Variants in TRIO observed in about 807,000 individuals in gnomAD.
The protein encoded by TRIO is triple functional domain protein.
In TRIO, 58 loss-of-function variants were observed where a neutral mutation model predicts 351.9. The observed-to-expected ratio is 0.16, with a 90% CI of 0.13 to 0.21. The LOEUF (loss-of-function observed/expected upper bound fraction) is 0.21, where lower values mean the gene tolerates loss of function less well. Ranked by LOEUF, TRIO falls within the 10% of genes least tolerant of loss-of-function variation. TRIO has a pLI of 1.00. For synonymous variants in TRIO, 1,758 were observed against 1,595.7 expected, an observed-to-expected ratio of 1.10 and a Z score of -2.42; for missense variants, 3,201 against 4,027.8, an observed-to-expected ratio of 0.79 and a Z score of 5.56.
At chr5:14,375,295 C>T (rs1203062331) in intron 19 of TRIO, among the ~76,000 whole-genome samples, 1 of 152,182 alleles carries the variant, frequency 6.6e-6, no homozygotes, top group Non-Finnish European at 1.5e-5. Context: ...GTTTATTTGG[C>T]TCATTTCCTG....
chr5:14,472,017 CA>C (rs1754729411), intron 38 of TRIO, among the ~76,000 whole-genome samples: 1 of 152,034 alleles, frequency 6.6e-6, no homozygotes, highest in Non-Finnish European at 1.5e-5. Context: ...TGAGAGGTGC[CA>C]GGTTGATGTT....
At position 14,381,279 on chromosome 5, in the gene TRIO, T is replaced by A. The variant is rs552875358; in HGVS notation, c.3570+27T>A. 12 of 1,575,720 alleles carry A rather than the reference T, an allele frequency of 7.6e-6. 1 individual carries two copies. The East Asian group carries it at 2.7e-4, about 36-fold the overall frequency. On this transcript the variant is annotated intron_variant, in intron 21 of 56. Coordinates refer to ENST00000344204, the MANE Select transcript of TRIO (RefSeq NM_007118.4). ...TGGGTTCAGAGTGTACTTTGTATAG[T>A]GGCCTCTAAGTCGAAAGCGAGTCTT...
intron 1 of TRIO, among the ~76,000 whole-genome samples, chr5:14,213,429 A>G (rs1223596288): frequency 6.6e-6 from 1 of 151,846 alleles, no homozygotes; most frequent in Non-Finnish European, 1.5e-5. Flanking sequence ...AGAGGCGAGC[A>G]GGCTACTTTC....
chr5:14,236,299 T>C (rs974391067), intron 1 of TRIO, among the ~76,000 whole-genome samples: 3 of 152,254 alleles, frequency 2.0e-5, no homozygotes, highest in African/African-American at 7.2e-5. Flanking sequence ...AAACATTTTA[T>C]GAAAAAATTG....
chr5:14,179,406 CAG>C (rs1439222374), intron 1 of TRIO, among the ~76,000 whole-genome samples: 1 of 151,708 alleles, frequency 6.6e-6, no homozygotes, highest in Non-Finnish European at 1.5e-5. Context: ...GTTCTGCCCT[CAG>C]AATTCTTCAG....
At chr5:14,158,834 TTAAA>T (rs1293887488) in intron 1 of TRIO, among the ~76,000 whole-genome samples, 2 of 152,174 alleles carry the variant, frequency 1.3e-5, no homozygotes, top group Non-Finnish European at 2.9e-5. Flanking sequence ...ACGCTGTCTC[TTAAA>T]TAAATAAATA....
At position 14,247,850 on chromosome 5, in the gene TRIO, G is replaced by A. The variant is rs145690440; in HGVS notation, c.158-22975G>A. ...TGAGAGGCCGAGACAGGCAGATCAC[G>A]AGGTCAGGAGTTCAAGACCAGCCTG... On this transcript the variant is annotated intron_variant, in intron 1 of 56. Transcript: ENST00000344204. Among the ~76,000 whole-genome samples the A allele has an allele frequency of 3.5e-3, 530 of 152,178 alleles. 3 individuals are homozygous for A. The highest frequency in any genetic ancestry group is 0.012 in the African/African-American group (494 of 41,522).
intron 9 of TRIO, among the ~76,000 whole-genome samples, chr5:14,322,267 T>G (rs1170083202): frequency 6.6e-6 from 1 of 152,258 alleles, no homozygotes; most frequent in Non-Finnish European, 1.5e-5. Flanking sequence ...GCTTCATTTC[T>G]TTTAAAATGG....
chr5:14,248,979 C>T (rs1794595652), intron 1 of TRIO, among the ~76,000 whole-genome samples: 1 of 152,168 alleles, frequency 6.6e-6, no homozygotes, highest in Non-Finnish European at 1.5e-5. Context: ...TGCTGAGCTT[C>T]TGTCCAGGTG....
chr5:14,469,294 A>G (rs1326623218), intron 37 of TRIO, among the ~76,000 whole-genome samples: 1 of 152,206 alleles, frequency 6.6e-6, no homozygotes, highest in Non-Finnish European at 1.5e-5. Flanking sequence ...AAAACAGAAA[A>G]CACAAATTCC....
At chr5:14,273,314 C>G (rs146271671) in intron 2 of TRIO, among the ~76,000 whole-genome samples, 1 of 152,162 alleles carries the variant, frequency 6.6e-6, no homozygotes, top group African/African-American at 2.4e-5. Flanking sequence ...AGTGATAAAC[C>G]CCGTGATAAT....
chr5:14,168,887 A>G (rs991478616), intron 1 of TRIO, among the ~76,000 whole-genome samples: 2 of 152,242 alleles, frequency 1.3e-5, no homozygotes, highest in Admixed American at 6.5e-5. Flanking sequence ...CCCAAGGTCT[A>G]TCTGGCATTC....
At chr5:14,369,670 A>G in intron 18 of TRIO, 147 bp downstream of exon 18, 1 of 1,046,008 alleles carries the variant, frequency 9.6e-7, no homozygotes, top group East Asian at 3.0e-5. Flanking sequence ...ATCAGTGAGA[A>G]GTCAGCTGAA....
At chr5:14,463,035 T>G in intron 36 of TRIO, 110 bp downstream of exon 36, 1 of 1,355,304 alleles carries the variant, frequency 7.4e-7, no homozygotes, top group Admixed American at 3.2e-5. Context: ...CCCCAAGATG[T>G]GGAAAAGGGC....
At chr5:14,359,295 T>G (rs1300107146) in intron 12 of TRIO, 62 bp from the exon 13 acceptor site, 2 of 1,563,468 alleles carry the variant, frequency 1.3e-6, no homozygotes, top group Non-Finnish European at 1.7e-6. Flanking sequence ...CGTGGCCGGA[T>G]CTGGTATCTA....
At chr5:14,419,210 G>A (rs914590998) in intron 33 of TRIO, among the ~76,000 whole-genome samples, 56 of 152,158 alleles carry the variant, frequency 3.7e-4, no homozygotes, top group African/African-American at 1.3e-3. Context: ...GAGGGCAGAG[G>A]GCAGAGGGCC....
intron 40 of TRIO, 24 bp downstream of exon 40, chr5:14,474,121 G>T (rs184968253): frequency 5.0e-5 from 80 of 1,599,532 alleles, no homozygotes; most frequent in Non-Finnish European, 6.4e-5. Flanking sequence ...CATTGTGCCC[G>T]ATGGTGTGCA....
chr5:14,230,153 A>T (rs1312951782), intron 1 of TRIO, among the ~76,000 whole-genome samples: 1 of 152,202 alleles, frequency 6.6e-6, no homozygotes, highest in African/African-American at 2.4e-5. Flanking sequence ...TTTTCTGAAG[A>T]GGTGGACAGT....
At chr5:14,316,877 A>G in intron 9 of TRIO, 134 bp downstream of exon 9, 1 of 1,058,360 alleles carries the variant, frequency 9.4e-7, no homozygotes, top group Non-Finnish European at 1.4e-6. Context: ...TTTTTGTTGA[A>G]TGTAAGTGAA....
Sources: gnomAD v4.1 joint callset for allele counts (sites outside exome capture counted in the v4.1 genomes callset) on GRCh38, gnomAD v4.1.1 for gene constraint, MANE v1.5 for transcripts, NCBI Gene and HGNC (gene_info 2026-07-23, HGNC 2026-07-21) for gene names.